NTN4: variants seen among roughly 807,000 people sequenced by gnomAD.
NTN4 encodes the protein netrin 4.
A neutral mutation model predicts 73.6 loss-of-function variants in NTN4; 32 were observed. That is an observed-to-expected ratio of 0.44 (90% CI 0.33 to 0.58). The LOEUF is 0.58. Among genes scored for constraint, NTN4 ranks in the 20% least tolerant of loss-of-function variants. The pLI, the probability that NTN4 is intolerant of heterozygous loss-of-function variation, is 0.04. For synonymous variants in NTN4, 258 were observed against 287.5 expected (o/e 0.90, Z 1.04); for missense variants, 654 against 798.3 (o/e 0.82, Z 2.18).
intron 8 of NTN4, among the ~76,000 whole-genome samples, chr12:95,668,150 T>TC: frequency 6.6e-6 from 1 of 152,048 alleles, no homozygotes; most frequent in African/African-American, 2.4e-5. Context: ...AGTGTTTTTT[T>TC]TTTTTTTTTC....
intron 5 of NTN4, among the ~76,000 whole-genome samples, chr12:95,686,181 G>A (rs1299227790): frequency 6.6e-6 from 1 of 152,168 alleles, no homozygotes; most frequent in Non-Finnish European, 1.5e-5. Flanking sequence ...GCCAGCCACT[G>A]TGCCCATCAG....
chr12:95,738,331 G>A (rs1002488453), intron 2 of NTN4, among the ~76,000 whole-genome samples, 187 bp from the exon 3 acceptor site: 1 of 152,204 alleles, frequency 6.6e-6, no homozygotes, highest in African/African-American at 2.4e-5. Context: ...CAGATGTGCT[G>A]CCTGTTTGTA....
At chr12:95,747,424 C>G (rs1456180900) in intron 2 of NTN4, among the ~76,000 whole-genome samples, 1 of 152,136 alleles carries the variant, frequency 6.6e-6, no homozygotes. Flanking sequence ...TCAAGTAATC[C>G]TCCTGCGTAG....
rs554036260 is a variant in NTN4 at position 95,725,241 on chromosome 12, G to A, written c.865-11903C>T. 3.2e-4 allele frequency among the ~76,000 whole-genome samples: 48 copies of A among 152,192 alleles called. 1 individual carries two copies. In the South Asian group the frequency reaches 7.9e-3, roughly 25 times the overall value. ...GGGAAACTGCGTGAAAGCAAAAAAC[G>A]AGTAGAACTAATTTTGTAAGCAACT... On this transcript the variant is annotated intron_variant, in intron 3 of 9. Transcript: ENST00000343702.
intron 2 of NTN4, among the ~76,000 whole-genome samples, chr12:95,766,307 A>C (rs1192363611): frequency 1.3e-5 from 2 of 152,238 alleles, no homozygotes; most frequent in African/African-American, 2.4e-5. Context: ...TGGATGTAAA[A>C]TATTTTCTTA....
chr12:95,684,649 C>T (rs1422353321), intron 5 of NTN4, among the ~76,000 whole-genome samples: 1 of 152,058 alleles, frequency 6.6e-6, no homozygotes, highest in African/African-American at 2.4e-5. Flanking sequence ...CCTCAGCCCT[C>T]TCCCTACTCC....
chr12:95,659,189 A>G lies in NTN4; in HGVS notation c.1784T>C (p.Ile595Thr), dbSNP rs751116765. ...ATTCACAATTAGTTTGCCTGTTCTT[A>G]TATCCTCATGTCCTGCTACAAGGTA... ...LEYLVAGHED[I>T]RTGKLIVNMK... The change falls in exon 10 of 10, where the codon ATA becomes ACA. Residue 595 changes from isoleucine (I) to threonine (T), a missense_variant. Transcript: ENST00000343702. The G allele has an allele frequency of 6.2e-7, 1 of 1,613,786 alleles. No homozygotes were observed. The highest frequency in any genetic ancestry group is 8.5e-7 in the Non-Finnish European group (1 of 1,179,796).
At chr12:95,661,970 T>G (rs530646670) in intron 9 of NTN4, among the ~76,000 whole-genome samples, 7 of 152,088 alleles carry the variant, frequency 4.6e-5, no homozygotes, top group Non-Finnish European at 8.8e-5. Flanking sequence ...ATGACCTGAG[T>G]ATTAGATAAC....
chr12:95,683,135 T>C (rs903824342), intron 6 of NTN4, among the ~76,000 whole-genome samples: 4 of 152,154 alleles, frequency 2.6e-5, no homozygotes, highest in East Asian at 1.9e-4. Context: ...TCTTGGCTCA[T>C]TGCAAACTCT....
At chr12:95,710,395 C>A in intron 5 of NTN4, 46 bp downstream of exon 5, 1 of 1,511,390 alleles carries the variant, frequency 6.6e-7, no homozygotes, top group Non-Finnish European at 9.1e-7. Context: ...AGAGATTCAT[C>A]TCTTGTACAA....
At chr12:95,707,483 C>G (rs2078529192) in intron 5 of NTN4, among the ~76,000 whole-genome samples, 1 of 152,270 alleles carries the variant, frequency 6.6e-6, no homozygotes, top group East Asian at 1.9e-4. Flanking sequence ...CTACCCTCAT[C>G]ATCCTGTCCC....
At chr12:95,666,705 G>A (rs1283788269) in intron 8 of NTN4, among the ~76,000 whole-genome samples, 1 of 152,172 alleles carries the variant, frequency 6.6e-6, no homozygotes, top group Non-Finnish European at 1.5e-5. Context: ...GTGGCTGATT[G>A]TGTTTAATGT....
chr12:95,782,357 G>A (rs749751371), intron 2 of NTN4, among the ~76,000 whole-genome samples: 7 of 151,602 alleles, frequency 4.6e-5, no homozygotes, highest in Admixed American at 2.6e-4. Context: ...GTGCAGGGGC[G>A]TGATCTCGGG....
chr12:95,775,151 A>G (rs150460476), intron 2 of NTN4, among the ~76,000 whole-genome samples: 1 of 152,368 alleles, frequency 6.6e-6, no homozygotes, highest in African/African-American at 2.4e-5. Context: ...TGGTTTAATT[A>G]ATATCCAACA....
At chr12:95,748,908 T>G (rs1164271672) in intron 2 of NTN4, among the ~76,000 whole-genome samples, 1 of 152,226 alleles carries the variant, frequency 6.6e-6, no homozygotes. Flanking sequence ...CCCTGTGACT[T>G]GCACATATAC....
At position 95,675,699 on chromosome 12, in the gene NTN4, G is replaced by T. The variant is rs377717160; in HGVS notation, c.1511-5553C>A. ...TTAAAAAAAATGTAAAGAAAGAAAA[G>T]AAATGAATGAATGTGCATTCGGGGG... On this transcript the variant is annotated intron_variant, in intron 7 of 9. Transcript: ENST00000343702. Among the ~76,000 whole-genome samples the T allele has an allele frequency of 5.3e-5, 8 of 152,276 alleles. No individual in the cohort carries two copies. In the East Asian group the frequency reaches 9.7e-4, roughly 18 times the overall value.
chr12:95,777,280 CATA>C (rs1424217521), intron 2 of NTN4, among the ~76,000 whole-genome samples: 3 of 147,498 alleles, frequency 2.0e-5, no homozygotes, highest in African/African-American at 7.7e-5. Flanking sequence ...CAGCTAACAT[CATA>C]ATGACAGGAT....
intron 3 of NTN4, among the ~76,000 whole-genome samples, chr12:95,734,030 A>C (rs2078757471): frequency 6.8e-6 from 1 of 147,828 alleles, no homozygotes; most frequent in African/African-American, 2.5e-5. Flanking sequence ...AGATCACGCC[A>C]CTGCACTCCA....
intron 3 of NTN4, among the ~76,000 whole-genome samples, chr12:95,713,657 T>A (rs1373883417): frequency 6.6e-6 from 1 of 152,198 alleles, no homozygotes; most frequent in African/African-American, 2.4e-5. Flanking sequence ...TTTTTAAAAT[T>A]CTTTATGCAA....
Sources: allele counts gnomAD v4.1 joint callset (sites outside exome capture counted in the v4.1 genomes callset), GRCh38; gene constraint gnomAD v4.1.1; transcripts MANE v1.5; gene names NCBI Gene and HGNC (gene_info 2026-07-23, HGNC 2026-07-21).